B3GALT1: variants seen among roughly 807,000 people sequenced by gnomAD.
The protein encoded by B3GALT1 is beta-1,3-galactosyltransferase 1.
A neutral mutation model predicts 23.2 loss-of-function variants in B3GALT1; 10 were observed. The ratio of observed to expected loss-of-function variants is 0.43; its 90% CI spans 0.27 to 0.73. B3GALT1 has a LOEUF of 0.73. B3GALT1 is among the 30% of genes least tolerant of loss of function. The pLI, the probability that B3GALT1 is intolerant of heterozygous loss-of-function variation, is 0.21. For synonymous variants in B3GALT1, 156 were observed against 141.5 expected, an observed-to-expected ratio of 1.10 and a Z score of -0.73; for missense variants, 299 against 405.4, an observed-to-expected ratio of 0.74 and a Z score of 2.25.
At chr2:167,352,383 A>G (rs1205175344) in intron 1 of B3GALT1, among the ~76,000 whole-genome samples, 8 of 151,040 alleles carry the variant, frequency 5.3e-5, no homozygotes, top group Admixed American at 5.3e-4. Context: ...ACCTGTCGAT[A>G]GAGTTTGTGT....
intron 1 of B3GALT1, among the ~76,000 whole-genome samples, chr2:167,357,786 G>T (rs749472688): frequency 2.0e-5 from 3 of 152,052 alleles, no homozygotes; most frequent in Non-Finnish European, 4.4e-5. Flanking sequence ...CTTTATATCT[G>T]TTTGGACACA....
intron 2 of B3GALT1, among the ~76,000 whole-genome samples, chr2:167,538,562 A>C (rs2105372280): frequency 6.6e-6 from 1 of 152,316 alleles, no homozygotes; most frequent in East Asian, 1.9e-4. Flanking sequence ...TGTAGACTTT[A>C]AAACATTGGT....
chr2:167,379,316 G>T (rs1054221920), intron 1 of B3GALT1, among the ~76,000 whole-genome samples: 4 of 152,144 alleles, frequency 2.6e-5, no homozygotes, highest in African/African-American at 9.7e-5. Flanking sequence ...GACATGTGGG[G>T]ATTATGGGGA....
intron 1 of B3GALT1, among the ~76,000 whole-genome samples, chr2:167,438,512 G>T (rs1343875444): frequency 6.6e-6 from 1 of 152,220 alleles, no homozygotes; most frequent in Non-Finnish European, 1.5e-5. Context: ...TGCTAAGAGT[G>T]CAACCTGGAT....
intron 3 of B3GALT1, among the ~76,000 whole-genome samples, chr2:167,810,515 G>A (rs11885231): frequency 6.6e-6 from 1 of 150,792 alleles, no homozygotes. Flanking sequence ...ACTGCTTAAG[G>A]TATCATATCT....
At chr2:167,389,925 C>CAAAAAAAAAAAAAAAAAAAAAAA (rs751630307) in intron 1 of B3GALT1, among the ~76,000 whole-genome samples, 1 of 105,434 alleles carries the variant, frequency 9.5e-6, no homozygotes. Context: ...AAAAAAAAAA[C>CAAAAAAAAAAAAAAAAAAAAAAA]AAAAAAAAAA....
rs572026187 is a variant in B3GALT1, at chr2:167,718,303, A to G, written c.-352+71337A>G. ...CATAAACAAAAAAAAAAAATCCCCA[A>G]TTTCAAACCTCTCTTATGATTCATG... On this transcript the variant is annotated intron_variant, in intron 3 of 4. Transcript: ENST00000392690. 5.3e-5 allele frequency among the ~76,000 whole-genome samples: 8 copies of G among 152,294 alleles called. No homozygotes were observed. The South Asian group carries it at 1.7e-3, about 32-fold the overall frequency.
chr2:167,468,086 A>C (rs1341350428), intron 1 of B3GALT1, among the ~76,000 whole-genome samples: 1 of 152,178 alleles, frequency 6.6e-6, no homozygotes, highest in African/African-American at 2.4e-5. Flanking sequence ...GGGCCATGAA[A>C]CAGTGAAAGA....
chr2:167,642,986 G>T (rs1412024321), intron 2 of B3GALT1, among the ~76,000 whole-genome samples: 1 of 152,068 alleles, frequency 6.6e-6, no homozygotes, highest in East Asian at 1.9e-4. Context: ...AAAAAACTAA[G>T]ACCATAGTTA....
intron 1 of B3GALT1, among the ~76,000 whole-genome samples, chr2:167,311,952 G>C (rs1427664326): frequency 4.0e-5 from 6 of 151,802 alleles, no homozygotes; most frequent in Admixed American, 3.3e-4. Flanking sequence ...TTCCAGAACT[G>C]TTTTTAAAAA....
At chr2:167,639,564 T>G (rs988687359) in intron 2 of B3GALT1, among the ~76,000 whole-genome samples, 3 of 149,518 alleles carry the variant, frequency 2.0e-5, no homozygotes, top group African/African-American at 7.4e-5. Flanking sequence ...ATACCTTAAT[T>G]TAATCCAGAA....
intron 1 of B3GALT1, among the ~76,000 whole-genome samples, chr2:167,380,745 C>T (rs1214431913): frequency 3.3e-5 from 5 of 152,116 alleles, no homozygotes; most frequent in Admixed American, 3.3e-4. Context: ...TCTCCCTTGC[C>T]CTGGGTTGTT....
At chr2:167,810,732 C>A (rs1470039540) in intron 3 of B3GALT1, among the ~76,000 whole-genome samples, 3 of 144,842 alleles carry the variant, frequency 2.1e-5, no homozygotes, top group African/African-American at 8.7e-5. Flanking sequence ...CACACAGACC[C>A]AAAGGCAGCT....
chr2:167,583,547 A>G (rs1338406073), intron 2 of B3GALT1, among the ~76,000 whole-genome samples: 1 of 152,200 alleles, frequency 6.6e-6, no homozygotes, highest in African/African-American at 2.4e-5. Flanking sequence ...TTTAATTTCA[A>G]CATTCATCTT....
intron 4 of B3GALT1, among the ~76,000 whole-genome samples, chr2:167,831,686 A>C (rs1251883032): frequency 6.6e-6 from 1 of 152,214 alleles, no homozygotes; most frequent in African/African-American, 2.4e-5. Context: ...ATCTCATGAA[A>C]TCTGTGACAT....
chr2:167,379,439 T>G (rs1672099877), intron 1 of B3GALT1, among the ~76,000 whole-genome samples: 1 of 152,146 alleles, frequency 6.6e-6, no homozygotes, highest in Non-Finnish European at 1.5e-5. Context: ...CTTTTCCTTT[T>G]TCCCCATTCT....
chr2:167,801,436 G>T (rs995066496), intron 3 of B3GALT1, among the ~76,000 whole-genome samples: 1 of 152,162 alleles, frequency 6.6e-6, no homozygotes. Context: ...TTATATTTGT[G>T]ATGTTTTCAT....
At chr2:167,421,973 G>A (rs1409001515) in intron 1 of B3GALT1, among the ~76,000 whole-genome samples, 1 of 151,960 alleles carries the variant, frequency 6.6e-6, no homozygotes, top group African/African-American at 2.4e-5. Context: ...CCTAAAATCA[G>A]GTTTTGAATT....
At chr2:167,603,673 G>C (rs1684912439) in intron 2 of B3GALT1, among the ~76,000 whole-genome samples, 1 of 152,078 alleles carries the variant, frequency 6.6e-6, no homozygotes, top group Non-Finnish European at 1.5e-5. Flanking sequence ...ATCCATATTT[G>C]GCAGCCAGTT....
Sources: gnomAD v4.1 joint callset for allele counts (sites outside exome capture counted in the v4.1 genomes callset) on GRCh38, gnomAD v4.1.1 for gene constraint, MANE v1.5 for transcripts, NCBI Gene and HGNC (gene_info 2026-07-23, HGNC 2026-07-21) for gene names.